The following SCAMP4 variants were observed in gnomAD, a reference collection of about 807,000 sequenced individuals.
SCAMP4 encodes the protein secretory carrier membrane protein 4, also known as secretory carrier-associated membrane protein 4.
SCAMP4 carries 19 observed loss-of-function variants against 32.1 expected under a neutral mutation model. That is an observed-to-expected ratio of 0.59 (90% CI 0.41 to 0.87). The LOEUF (loss-of-function observed/expected upper bound fraction) is 0.87. SCAMP4 is among the 40% of genes least tolerant of loss of function. The pLI, the probability that SCAMP4 is intolerant of heterozygous loss-of-function variation, is 0.00. For missense variants in SCAMP4, 302 were observed against 309.0 expected (o/e 0.98, Z 0.17); for synonymous variants, 152 against 132.7 (o/e 1.15, Z -1.00).
intron 5 of SCAMP4, chr19:1,921,204 A>T: frequency 1.4e-5 from 14 of 984,050 alleles, no homozygotes; most frequent in Non-Finnish European, 1.7e-5. Context: ...CACCAGCGCC[A>T]CCTCCCCACA....
chr19:1,918,790 G>A, intron 4 of SCAMP4, 99 bp from the exon 5 acceptor site: 2 of 1,457,578 alleles, frequency 1.4e-6, no homozygotes, highest in East Asian at 2.5e-5. Context: ...ATAAAATAGA[G>A]CCTCCGCTCT....
rs1192670254 is a variant in SCAMP4 at position 1,925,845 on chromosome 19, G to A, written c.*1561G>A. On this transcript the variant is annotated 3_prime_UTR_variant, in exon 7 of 7. Coordinates refer to ENST00000316097, the MANE Select transcript of SCAMP4 (RefSeq NM_079834.4). ...GTCCTGCCCCCGGCCAGTCTGCCAA[G>A]AGGCACCCCCTTCCCCAGCCTCTCG... 1 of 152,442 alleles carries A rather than the reference G, an allele frequency of 6.6e-6. No individual in the cohort carries two copies. The highest frequency in any genetic ancestry group is 2.4e-5 in the African/African-American group (1 of 41,338). 9.4% of individuals were successfully genotyped at this position (152,442 alleles called of 1,614,324 possible). A position where few individuals can be genotyped will look rare whatever the true frequency, so the allele number is the denominator to read the frequency against.
intron 3 of SCAMP4, 48 bp downstream of exon 3, chr19:1,917,870 C>T: frequency 6.2e-7 from 1 of 1,608,748 alleles, no homozygotes; most frequent in Non-Finnish European, 8.5e-7. Context: ...GCAGGGCTCC[C>T]CGAGGGAGGG....
chr19:1,921,648 T>C (rs1568774519), intron 5 of SCAMP4: 2 of 985,138 alleles, frequency 2.0e-6, no homozygotes, highest in Non-Finnish European at 2.4e-6. Context: ...TTTTCATAAA[T>C]CTAAAATTAC....
chr19:1,912,627 G>A, intron 1 of SCAMP4: 1 of 1,451,496 alleles, frequency 6.9e-7, no homozygotes, highest in Non-Finnish European at 9.0e-7. Context: ...GAGCCACATG[G>A]AGCGGGCGGT....
At position 1,920,916 on chromosome 19, in the gene SCAMP4, G is replaced by A. The variant is rs976870538; in HGVS notation, c.395+1926G>A. ...CCTCGGCCCTCGTGCACGTGCGGCA[G>A]CAGCGACTTGGCTCTTCTCATTGGA... On this transcript the variant is annotated intron_variant, in intron 5 of 6. Transcript: ENST00000316097. The A allele has an allele frequency of 2.3e-5, 23 of 985,290 alleles. No individual in the cohort carries two copies. The African/African-American group carries it at 3.8e-4, about 16-fold the overall frequency. The allele number at this position is 985,290 out of a possible 1,614,324, so 61.0% of individuals were successfully genotyped here. A position where few individuals can be genotyped will look rare whatever the true frequency, so the allele number is the denominator to read the frequency against.
intron 5 of SCAMP4, chr19:1,922,649 C>T (rs2013956454): frequency 1.0e-6 from 1 of 986,928 alleles, no homozygotes. Context: ...TCATTAGACA[C>T]AGTTGCCGTA....
In SCAMP4 at chr19:1,921,529, A is replaced by C. The variant is rs984624847; in HGVS notation, c.396-1541A>C. 4.1e-6 allele frequency: 4 copies of C among 985,312 alleles called. No individual in the cohort carries two copies. In the Admixed American group the frequency reaches 2.5e-4, roughly 61 times the overall value. The allele number at this position is 985,312 out of a possible 1,614,324, so 61.0% of individuals were successfully genotyped here. On this transcript the variant is annotated intron_variant, in intron 5 of 6. Transcript: ENST00000316097. The stretch of plus-strand genomic sequence containing the variant: ...TAAGCGGAGCATGCAGCCCACTGAC[A>C]GTGTGCTGGGTGCCTCCCTAGACCT...
In SCAMP4 at chr19:1,918,217, T is replaced by C. The variant is rs200748376; in HGVS notation, c.227T>C (p.Val76Ala). The C allele has an allele frequency of 1.6e-4, 260 of 1,611,750 alleles. No homozygotes were observed. Among genetic ancestry groups the C allele is most frequent in the Non-Finnish European group, 4.2e-5 (50 of 1,179,808 alleles). The change falls in exon 4 of 7, where the codon GTG (valine) becomes GCG (alanine). Residue 76 changes from valine to alanine, a missense_variant. Coordinates refer to ENST00000316097, the MANE Select transcript of SCAMP4 (RefSeq NM_079834.4). ...GGGACCAACTTCGGCCTGGCCTTCG[T>C]GTGGCTGCTCCTGTTCACGCCTTGC... ...GSGTNFGLAF[V>A]WLLLFTPCGY...
intron 5 of SCAMP4, chr19:1,921,976 A>AAG (rs1280255151): frequency 1.0e-6 from 1 of 985,330 alleles, no homozygotes; most frequent in African/African-American, 1.7e-5. Context: ...GTGTGTGCAT[A>AAG]AGCTCCCCGG....
Position 1,908,158 on chromosome 19 carries a change from T to C in SCAMP4, c.-42+2719T>C, listed in dbSNP as rs1259656921. Reference sequence around the variant, plus strand: ...CGGTCCTGGTCGCGCGTGGTGTGCGTTTTGGGAGGGCCCAGCGAGTCGGCT... The same window carrying C: ...CGGTCCTGGTCGCGCGTGGTGTGCGCTTTGGGAGGGCCCAGCGAGTCGGCT... On this transcript the variant is annotated intron_variant, in intron 1 of 6. Transcript: ENST00000316097. The surrounding 1 kb of genome is among the most constrained non-coding windows in gnomAD (Gnocchi z 4.2). 3.8e-6 allele frequency: 1 copy of C among 260,954 alleles called. No individual in the cohort carries two copies. The highest frequency in any genetic ancestry group is 3.6e-5 in the South Asian group (1 of 27,954). 16.2% of individuals were successfully genotyped at this position (260,954 alleles called of 1,614,324 possible). A position where few individuals can be genotyped will look rare whatever the true frequency, so the allele number is the denominator to read the frequency against.
rs548297188 is a variant in SCAMP4, at chr19:1,908,987, C to A, written c.-42+3548C>A. Among the ~76,000 whole-genome samples the A allele has an allele frequency of 6.6e-6, 1 of 152,110 alleles. No homozygotes were observed. Among genetic ancestry groups the A allele is most frequent in the Admixed American group, 6.5e-5 (1 of 15,284 alleles). On this transcript the variant is annotated intron_variant, in intron 1 of 6. Transcript: ENST00000316097. This position sits in a 1 kb window ranked among gnomAD's most constrained non-coding sequence, Gnocchi z 4.2. ...GGGCGTGGTGGCATGTGCCTGTATT[C>A]CCAGCTACTAGGGGGGCTGAGGCAG...
intron 1 of SCAMP4, chr19:1,913,126 G>A: frequency 6.3e-7 from 1 of 1,576,644 alleles, no homozygotes; most frequent in Non-Finnish European, 8.6e-7. Context: ...GAGGAGCAGT[G>A]CCGCTGGCTG....
Position 1,915,044 on chromosome 19 carries a change from G to C in SCAMP4, c.7+18G>C, listed in dbSNP as rs574249897. On this transcript the variant is annotated intron_variant, in intron 2 of 6. Transcript: ENST00000316097. ...GATGTCAGGTGAGTCCTGCCTGCCT[G>C]GGAGCCTCCAGCAGCGTGGGCGGGA... 1 of 1,613,636 alleles carries C rather than the reference G, an allele frequency of 6.2e-7. No individual in the cohort carries two copies. The highest frequency in any genetic ancestry group is 1.1e-5 in the South Asian group (1 of 91,068).
intron 5 of SCAMP4, chr19:1,921,643 A>G (rs943877103): frequency 7.1e-6 from 7 of 985,288 alleles, no homozygotes; most frequent in Non-Finnish European, 7.2e-6. Flanking sequence ...GCCGCTTTTC[A>G]TAAATCTAAA....
chr19:1,917,955 C>G, intron 3 of SCAMP4, 133 bp downstream of exon 3: 3 of 1,370,024 alleles, frequency 2.2e-6, no homozygotes, highest in Non-Finnish European at 3.0e-6. Context: ...GTGGTCCCTG[C>G]GGTGAACGAG....
At chr19:1,912,998 AC>A in intron 1 of SCAMP4, 4 of 1,608,366 alleles carry the variant, frequency 2.5e-6, no homozygotes, top group Non-Finnish European at 3.4e-6. Flanking sequence ...TGGTGCACGC[AC>A]GCATCCTGCG....
At chr19:1,913,046 G>A in intron 1 of SCAMP4, 1 of 1,603,642 alleles carries the variant, frequency 6.2e-7, no homozygotes. Context: ...ACGGCGCCCT[G>A]GGCACCCGCT....
At chr19:1,907,397 A>T (rs2013183511) in intron 1 of SCAMP4, among the ~76,000 whole-genome samples, 1 of 151,468 alleles carries the variant, frequency 6.6e-6, no homozygotes, top group Non-Finnish European at 1.5e-5. Context: ...GCCTTAAAAA[A>T]AAAAAAAAGG....
Sources: gnomAD v4.1 joint callset for allele counts (sites outside exome capture counted in the v4.1 genomes callset) on GRCh38, gnomAD v4.1.1 for gene constraint, Gnocchi (gnomAD v3.1) non-coding constraint, MANE v1.5 for transcripts, NCBI Gene and HGNC (gene_info 2026-07-23, HGNC 2026-07-21) for gene names.